Variants in KLHL29 observed in about 807,000 individuals in gnomAD.
The protein encoded by KLHL29 is kelch-like protein 29.
KLHL29 carries 21 observed loss-of-function variants against 80.4 expected under a neutral mutation model. That is an observed-to-expected ratio of 0.26 (90% confidence interval 0.19 to 0.38). KLHL29 has a LOEUF of 0.38. Ranked by LOEUF, KLHL29 falls within the 10% of genes least tolerant of loss-of-function variation. The probability of loss-of-function intolerance (pLI) is 1.00; values close to 1 mark genes in which losing one functional copy is unlikely to be tolerated. For synonymous variants in KLHL29, 511 were observed against 526.8 expected (o/e 0.97, Z 0.41); for missense variants, 867 against 1,223.9 (o/e 0.71, Z 4.35).
intron 3 of KLHL29, among the ~76,000 whole-genome samples, chr2:23,632,983 CAT>C: frequency 2.1e-5 from 1 of 48,016 alleles, no homozygotes; most frequent in African/African-American, 5.4e-5. Context: ...AAAAGTCTGG[CAT>C]GGCCAATCAG....
intron 3 of KLHL29, among the ~76,000 whole-genome samples, chr2:23,590,434 C>T (rs1419944803): frequency 2.0e-5 from 3 of 152,176 alleles, no homozygotes; most frequent in Admixed American, 2.0e-4. Context: ...CAGATTGTTT[C>T]CTGTAGGTTT....
In KLHL29 at chr2:23,642,579, C is replaced by G; in HGVS notation, c.669C>G (p.Ala223=). Residue 223 remains alanine (A), a synonymous_variant, in exon 5 of 14, where the codon GCC becomes GCG. Transcript: ENST00000486442. ...PLSSVVVNMP[A]QALYASPQPL... Reference sequence around the variant, plus strand: ...GCAGCGTGGTGGTCAACATGCCTGCCCAGGCCCTGTATGCCAGCCCTCAGC... The same window carrying G: ...GCAGCGTGGTGGTCAACATGCCTGCGCAGGCCCTGTATGCCAGCCCTCAGC... 1 of 1,549,946 alleles carries G rather than the reference C, an allele frequency of 6.5e-7. No individual in the cohort carries two copies. The highest frequency in any genetic ancestry group is 2.4e-5 in the East Asian group (1 of 40,892).
intron 1 of KLHL29, among the ~76,000 whole-genome samples, chr2:23,419,673 C>T (rs752431527): frequency 2.3e-4 from 35 of 152,184 alleles, no homozygotes; most frequent in Non-Finnish European, 4.4e-5. Flanking sequence ...CTCAGGATAA[C>T]AGTGGCCTTA....
At chr2:23,655,785 C>T (rs1290264116) in intron 5 of KLHL29, among the ~76,000 whole-genome samples, 2 of 152,158 alleles carry the variant, frequency 1.3e-5, no homozygotes, top group African/African-American at 4.8e-5. Context: ...GTAGGGTAAG[C>T]AGACATGGTT....
In KLHL29 at chr2:23,562,978, G is replaced by A. The variant is rs1243595332; in HGVS notation, c.285+497G>A. ...CTCTTCTGAGCCTTGCCACAGCACG[G>A]TGAGGTCAGTACTTTTATCATCCCT... is the stretch of plus-strand genomic sequence containing the variant. On this transcript the variant is annotated intron_variant, in intron 3 of 13. Coordinates refer to ENST00000486442, the MANE Select transcript of KLHL29 (RefSeq NM_052920.2). The surrounding 1 kb of genome is among the most constrained non-coding windows in gnomAD (Gnocchi z 4.5). 6.6e-6 allele frequency among the ~76,000 whole-genome samples: 1 copy of A among 152,210 alleles called. No homozygotes were observed. Among genetic ancestry groups the A allele is most frequent in the East Asian group, 1.9e-4 (1 of 5,190 alleles).
intron 3 of KLHL29, among the ~76,000 whole-genome samples, chr2:23,635,457 C>A (rs1041896105): frequency 1.3e-5 from 2 of 152,200 alleles, no homozygotes; most frequent in African/African-American, 4.8e-5. Context: ...GGGTGGAGGC[C>A]CCCAGCCCCC....
At chr2:23,674,833 T>C (rs907080992) in intron 5 of KLHL29, among the ~76,000 whole-genome samples, 2 of 151,934 alleles carry the variant, frequency 1.3e-5, no homozygotes, top group African/African-American at 4.8e-5. Flanking sequence ...TGGGGCCAAC[T>C]ACCTCATAAA....
At chr2:23,649,529 G>A (rs553456820) in intron 5 of KLHL29, among the ~76,000 whole-genome samples, 2 of 152,320 alleles carry the variant, frequency 1.3e-5, no homozygotes, top group South Asian at 2.1e-4. Flanking sequence ...GTCATCCTGG[G>A]AGCAGGAGGT....
intron 3 of KLHL29, among the ~76,000 whole-genome samples, chr2:23,587,154 G>A (rs1053181434): frequency 1.3e-5 from 2 of 152,114 alleles, no homozygotes; most frequent in African/African-American, 2.4e-5. Flanking sequence ...CCCTCTCAGC[G>A]TGTCGAGAAG....
rs1193772787 is a variant in KLHL29, at chr2:23,706,413, TGAGAACCTATCTCCAGGGCCAAG to T, written c.2445-67_2445-45del. 227 of 1,281,706 alleles carry T rather than the reference TGAGAACCTATCTCCAGGGCCAAG, an allele frequency of 1.8e-4. No homozygotes were observed. In the African/African-American group the frequency reaches 3.2e-3, roughly 18 times the overall value. 79.4% of individuals were successfully genotyped at this position (1,281,706 alleles called of 1,614,324 possible). A position where few individuals can be genotyped will look rare whatever the true frequency, so the allele number is the denominator to read the frequency against. ...GGCAGCCTACAACAGGACACGACGT[TGAGAACCTATCTCCAGGGCCAAG>T]TTGGAAGTGAAATGCCTAACTCTGT... On this transcript the variant is annotated intron_variant, in intron 13 of 13. Coordinates refer to ENST00000486442, the MANE Select transcript of KLHL29 (RefSeq NM_052920.2).
At chr2:23,466,384 T>C (rs946724563) in intron 1 of KLHL29, among the ~76,000 whole-genome samples, 28 of 152,272 alleles carry the variant, frequency 1.8e-4, no homozygotes, top group African/African-American at 6.5e-4. Flanking sequence ...TAAAGCGAAG[T>C]ACAATTTTAT....
chr2:23,394,642 T>TA (rs901183651), intron 1 of KLHL29, among the ~76,000 whole-genome samples: 1 of 152,172 alleles, frequency 6.6e-6, no homozygotes, highest in African/African-American at 2.4e-5. Context: ...CTTATTTGAA[T>TA]AAAAAAATCA....
intron 12 of KLHL29, 125 bp from the exon 13 acceptor site, chr2:23,703,594 C>A: frequency 5.6e-6 from 7 of 1,250,630 alleles, no homozygotes; most frequent in Non-Finnish European, 7.6e-6. Context: ...GACCCATCCC[C>A]AGGCCAATCA....
chr2:23,402,829 TG>T (rs1213201283), intron 1 of KLHL29, among the ~76,000 whole-genome samples: 5 of 151,262 alleles, frequency 3.3e-5, no homozygotes, highest in Non-Finnish European at 7.4e-5. Flanking sequence ...AATTAATACA[TG>T]TGTGTCCCTG....
chr2:23,574,113 A>C (rs1667784657), intron 3 of KLHL29, among the ~76,000 whole-genome samples: 1 of 152,172 alleles, frequency 6.6e-6, no homozygotes, highest in Non-Finnish European at 1.5e-5. Context: ...TGTTGGGGGC[A>C]GAGCAGCCAC....
chr2:23,507,818 G>T (rs2103459577), intron 2 of KLHL29, among the ~76,000 whole-genome samples: 1 of 152,300 alleles, frequency 6.6e-6, no homozygotes, highest in African/African-American at 2.4e-5. Context: ...TGCCCCATCT[G>T]AGTGAGAGGT....
chr2:23,409,687 G>C (rs1666815985), intron 1 of KLHL29, among the ~76,000 whole-genome samples: 1 of 152,206 alleles, frequency 6.6e-6, no homozygotes, highest in Non-Finnish European at 1.5e-5. Flanking sequence ...CTGCGTGCCA[G>C]GCACTGTGCT....
At chr2:23,588,859 G>A (rs541329215) in intron 3 of KLHL29, among the ~76,000 whole-genome samples, 5 of 152,232 alleles carry the variant, frequency 3.3e-5, no homozygotes, top group Admixed American at 3.3e-4. Flanking sequence ...AGAGCTCTCC[G>A]GTTAAGCCTG....
intron 3 of KLHL29, among the ~76,000 whole-genome samples, chr2:23,605,529 G>A (rs1018186197): frequency 2.6e-5 from 4 of 152,166 alleles, no homozygotes; most frequent in Non-Finnish European, 4.4e-5. Context: ...GTGAGGGACC[G>A]TAAGAAGCCC....
Sources: allele counts gnomAD v4.1 joint callset (sites outside exome capture counted in the v4.1 genomes callset), GRCh38; gene constraint gnomAD v4.1.1; non-coding constraint Gnocchi (gnomAD v3.1); transcripts MANE v1.5; gene names NCBI Gene and HGNC (gene_info 2026-07-23, HGNC 2026-07-21).